Variants in SUV39H2 observed in about 807,000 individuals in gnomAD.
The protein encoded by SUV39H2 is histone-lysine N-methyltransferase SUV39H2.
SUV39H2 carries 10 observed loss-of-function variants against 47.5 expected under a neutral mutation model. That is an observed-to-expected ratio of 0.21 (90% CI 0.13 to 0.36). The LOEUF (loss-of-function observed/expected upper bound fraction) is 0.36. Ranked by LOEUF, SUV39H2 falls within the 10% of genes least tolerant of loss-of-function variation. SUV39H2 has a pLI of 1.00. For synonymous variants in SUV39H2, 159 were observed against 166.8 expected (o/e 0.95, Z 0.36); for missense variants, 266 against 487.4 (o/e 0.55, Z 4.28).
In SUV39H2 at chr10:14,885,195, G is replaced by C. The variant is rs74744877; in HGVS notation, c.177+3550G>C. 2.1e-3 allele frequency among the ~76,000 whole-genome samples: 325 copies of C among 152,180 alleles called. 1 individual carries two copies. Among genetic ancestry groups the C allele is most frequent in the Non-Finnish European group, 3.9e-3 (263 of 68,008 alleles). Reference sequence around the variant, plus strand: ...GCTCATTCAATCTTTCTGAGGCCTTGAGCCCTTTCTGGGCTTCATTGCGAA... The same window carrying C: ...GCTCATTCAATCTTTCTGAGGCCTTCAGCCCTTTCTGGGCTTCATTGCGAA... On this transcript the variant is annotated intron_variant, in intron 2 of 5. Transcript: ENST00000354919.
At chr10:14,894,666 C>CAATTTTCAAAAGAAA (rs1833507922) in intron 2 of SUV39H2, among the ~76,000 whole-genome samples, 2 of 57,414 alleles carry the variant, frequency 3.5e-5, no homozygotes, top group Non-Finnish European at 2.9e-5. Flanking sequence ...CGCGCCCGGC[C>CAATTTTCAAAAGAAA]GCAAAGTTTT....
chr10:14,889,150 A>T (rs1413915238), intron 2 of SUV39H2, among the ~76,000 whole-genome samples: 1 of 152,158 alleles, frequency 6.6e-6, no homozygotes, highest in African/African-American at 2.4e-5. Context: ...AGAGTCAAGT[A>T]GTATGGACAA....
intron 2 of SUV39H2, among the ~76,000 whole-genome samples, chr10:14,894,090 T>A (rs993405050): frequency 2.0e-5 from 3 of 152,214 alleles, no homozygotes; most frequent in Non-Finnish European, 4.4e-5. Context: ...GCCAGTTGGA[T>A]CTTGTATCTG....
intron 1 of SUV39H2, 93 bp downstream of exon 1, chr10:14,879,012 G>A: frequency 7.6e-7 from 1 of 1,321,676 alleles, no homozygotes; most frequent in East Asian, 3.2e-5. Flanking sequence ...CAGCCAGATG[G>A]CGACGTGGCG....
At chr10:14,900,435 G>A (rs992364746) in intron 4 of SUV39H2, among the ~76,000 whole-genome samples, 1 of 152,110 alleles carries the variant, frequency 6.6e-6, no homozygotes, top group African/African-American at 2.4e-5. Context: ...AACTTCTGAT[G>A]GATTTCATAG....
Position 14,897,534 on chromosome 10 carries a change from A to T in SUV39H2, c.849+17A>T, listed in dbSNP as rs1833669832. ...GTTGGAGAGGTATGTTTCATTTGCC[A>T]CGTAGTAAATGATGGACATGCAAGG... On this transcript the variant is annotated intron_variant, in intron 3 of 5. Coordinates refer to ENST00000354919, the MANE Select transcript of SUV39H2 (RefSeq NM_001193424.2). 2 of 1,499,110 alleles carry T rather than the reference A, an allele frequency of 1.3e-6. No individual in the cohort carries two copies. Among genetic ancestry groups the T allele is most frequent in the South Asian group, 1.4e-5 (1 of 69,426 alleles). 92.9% of individuals were successfully genotyped at this position (1,499,110 alleles called of 1,614,324 possible).
At chr10:14,886,037 G>C (rs999552574) in intron 2 of SUV39H2, among the ~76,000 whole-genome samples, 4 of 152,076 alleles carry the variant, frequency 2.6e-5, no homozygotes, top group African/African-American at 9.7e-5. Flanking sequence ...CTCATCTCTT[G>C]TCATATATCC....
At chr10:14,901,284 T>A (rs1304863319) in intron 5 of SUV39H2, 22 bp downstream of exon 5, 1 of 1,613,008 alleles carries the variant, frequency 6.2e-7, no homozygotes, top group Admixed American at 1.7e-5. Context: ...AAGTACAGTT[T>A]CATTGGTGTC....
intron 1 of SUV39H2, chr10:14,879,224 G>C (rs903055592): frequency 1.2e-6 from 1 of 800,908 alleles, no homozygotes; most frequent in Non-Finnish European, 1.6e-6. Flanking sequence ...GCGGCCTCGG[G>C]CTTCGAGGCC....
intron 2 of SUV39H2, among the ~76,000 whole-genome samples, chr10:14,883,485 A>G (rs936963127): frequency 4.6e-5 from 7 of 151,628 alleles, no homozygotes; most frequent in African/African-American, 1.7e-4. Flanking sequence ...CGGGCAGATC[A>G]CTCGAGGTCA....
In SUV39H2 at chr10:14,896,875, A is replaced by G; in HGVS notation, c.207A>G (p.Lys69=). The G allele has an allele frequency of 1.9e-6, 3 of 1,588,168 alleles. No homozygotes were observed. Among genetic ancestry groups the G allele is most frequent in the Non-Finnish European group, 2.6e-6 (3 of 1,165,712 alleles). The part of the protein sequence containing the change: ...KDMEYYLVKW[K]GWPDSTNTWE... ...TGGAATATTATCTTGTAAAATGGAA[A>G]GGATGGCCAGATTCTACAAATACTT... The change falls in exon 3 of 6, where the codon AAA becomes AAG. Residue 69 remains lysine, a synonymous_variant. Transcript: ENST00000354919.
chr10:14,893,359 C>T, intron 2 of SUV39H2, among the ~76,000 whole-genome samples: 1 of 152,184 alleles, frequency 6.6e-6, no homozygotes, highest in East Asian at 1.9e-4. Flanking sequence ...TTCTCGAACT[C>T]CTGACCTCGT....
intron 1 of SUV39H2, 55 bp downstream of exon 1, chr10:14,878,974 G>A (rs1354105019): frequency 1.1e-5 from 15 of 1,372,058 alleles, no homozygotes; most frequent in Middle Eastern, 2.3e-4. Context: ...AGCTCCCAAG[G>A]CCCGGGCGGC....
chr10:14,882,864 GTTTT>G (rs869065558), intron 2 of SUV39H2, among the ~76,000 whole-genome samples: 1 of 137,082 alleles, frequency 7.3e-6, no homozygotes, highest in African/African-American at 2.7e-5. Flanking sequence ...CCCTATAGGA[GTTTT>G]TTTTTTTTTT....
intron 1 of SUV39H2, chr10:14,879,676 T>C (rs1832983949): frequency 6.6e-6 from 1 of 152,250 alleles, no homozygotes; most frequent in South Asian, 2.1e-4. Flanking sequence ...CCTGGAACTT[T>C]TCCGTGCGTT....
chr10:14,884,239 T>C (rs1833136996), intron 2 of SUV39H2, among the ~76,000 whole-genome samples: 1 of 152,212 alleles, frequency 6.6e-6, no homozygotes, highest in Non-Finnish European at 1.5e-5. Context: ...GTTTAACTGT[T>C]TGAGGAACTG....
chr10:14,895,846 T>A (rs1005685490), intron 2 of SUV39H2, among the ~76,000 whole-genome samples: 7 of 152,152 alleles, frequency 4.6e-5, no homozygotes, highest in Admixed American at 4.6e-4. Context: ...TATTTCAACC[T>A]GTAATAGTTT....
chr10:14,878,943 C>T, intron 1 of SUV39H2, 24 bp downstream of exon 1: 5 of 1,452,264 alleles, frequency 3.4e-6, no homozygotes, highest in Non-Finnish European at 4.5e-6. Flanking sequence ...GCGGCCCCCT[C>T]GCCTTCCCTG....
chr10:14,887,158 TC>T (rs1833236648), intron 2 of SUV39H2, among the ~76,000 whole-genome samples: 1 of 152,126 alleles, frequency 6.6e-6, no homozygotes, highest in Non-Finnish European at 1.5e-5. Flanking sequence ...TGAATGGCTG[TC>T]ATAGTAACCA....
Sources: allele counts gnomAD v4.1 joint callset (sites outside exome capture counted in the v4.1 genomes callset), GRCh38; gene constraint gnomAD v4.1.1; transcripts MANE v1.5; gene names NCBI Gene and HGNC (gene_info 2026-07-23, HGNC 2026-07-21).